The following PRKCH variants were observed in gnomAD, a reference collection of about 807,000 sequenced individuals.
The protein encoded by PRKCH is protein kinase C eta, also known as protein kinase C eta type.
A neutral mutation model predicts 82.5 loss-of-function variants in PRKCH; 28 were observed. The observed-to-expected ratio is 0.34, with a 90% CI of 0.25 to 0.47. The LOEUF (loss-of-function observed/expected upper bound fraction) is 0.47. Among genes scored for constraint, PRKCH ranks in the 20% least tolerant of loss-of-function variants. PRKCH has a pLI of 1.00. For missense variants in PRKCH, 705 were observed against 881.8 expected (o/e 0.80, Z 2.54); for synonymous variants, 322 against 327.4 (o/e 0.98, Z 0.18).
chr14:61,457,219 G>C lies in PRKCH; in HGVS notation c.1004G>C (p.Ser335Thr), dbSNP rs1440276568. The C allele has an allele frequency of 1.2e-6, 2 of 1,614,200 alleles. No homozygotes were observed. Among genetic ancestry groups the C allele is most frequent in the Admixed American group, 3.3e-5 (2 of 60,020 alleles). Residue 335 changes from serine to threonine, a missense_variant, in exon 8 of 14, where the codon AGC becomes ACC. Transcript: ENST00000332981. ...RSTLRRQGKE[S>T]SKEGNGIGVN... is the part of the protein sequence containing the mutation. ...ACCCTAAGACGACAGGGAAAGGAGA[G>C]CAGCAAAGAAGGAAATGGGATTGGG...
intron 1 of PRKCH, among the ~76,000 whole-genome samples, chr14:61,347,458 G>T (rs2046010647): frequency 6.6e-6 from 1 of 152,168 alleles, no homozygotes; most frequent in African/African-American, 2.4e-5. Context: ...GTGGTCAGTT[G>T]GAGTAACTCC....
intron 1 of PRKCH, among the ~76,000 whole-genome samples, chr14:61,234,802 C>T (rs1387281389): frequency 2.6e-5 from 4 of 152,176 alleles, no homozygotes; most frequent in African/African-American, 9.7e-5. Flanking sequence ...CTGTCAAGAC[C>T]CATTCGTAGC....
At position 61,457,159 on chromosome 14, in the gene PRKCH, TG is replaced by T; in HGVS notation, c.961-16del. On this transcript the variant is annotated splice_polypyrimidine_tract_variant and intron_variant, in intron 7 of 13. Transcript: ENST00000332981. ...TTCTGCTGCAATTTCTGACTTAATG[TG>T]TTCTTACTCTTTCAGAAACTCGTTT... 1 of 1,612,762 alleles carries T rather than the reference TG, an allele frequency of 6.2e-7. No individual in the cohort carries two copies. Among genetic ancestry groups the T allele is most frequent in the Non-Finnish European group, 8.5e-7 (1 of 1,179,306 alleles).
intron 12 of PRKCH, chr14:61,543,787 G>C (rs2043217734): frequency 6.6e-6 from 1 of 152,212 alleles, no homozygotes. Context: ...AAAGGATTAT[G>C]CTGTCACCAT....
intron 1 of PRKCH, among the ~76,000 whole-genome samples, chr14:61,359,862 A>C (rs1337341678): frequency 6.6e-6 from 1 of 152,244 alleles, no homozygotes; most frequent in East Asian, 1.9e-4. Context: ...GCTACCTACC[A>C]TATATAGAAC....
intron 1 of PRKCH, among the ~76,000 whole-genome samples, chr14:61,243,383 CAAAAAAAA>C (rs10555022): frequency 4.8e-5 from 5 of 103,386 alleles, no homozygotes; most frequent in South Asian, 6.9e-4. Flanking sequence ...GACTCTGTCT[CAAAAAAAA>C]AAAAAAAAAA....
chr14:61,524,003 T>C (rs2042936377), intron 10 of PRKCH, among the ~76,000 whole-genome samples: 1 of 152,240 alleles, frequency 6.6e-6, no homozygotes, highest in Non-Finnish European at 1.5e-5. Flanking sequence ...TCCCTACTTT[T>C]GTCTGTTTTG....
chr14:61,381,689 C>G (rs946960235), intron 1 of PRKCH, among the ~76,000 whole-genome samples: 3 of 152,220 alleles, frequency 2.0e-5, no homozygotes, highest in African/African-American at 4.8e-5. Flanking sequence ...GAGAACCATC[C>G]AGCGGCACAT....
intron 1 of PRKCH, among the ~76,000 whole-genome samples, chr14:61,363,347 A>G (rs1008570407): frequency 6.6e-6 from 1 of 152,356 alleles, no homozygotes; most frequent in East Asian, 1.9e-4. Context: ...GCTGGATAGC[A>G]GGAACCGATC....
chr14:61,375,969 A>T (rs1432266173), intron 1 of PRKCH, among the ~76,000 whole-genome samples: 3 of 150,936 alleles, frequency 2.0e-5, no homozygotes, highest in Non-Finnish European at 4.4e-5. Flanking sequence ...GTGAGCCAAG[A>T]TCATGCCACT....
upstream of PRKCH, among the ~76,000 whole-genome samples, chr14:61,321,536 G>A (rs966925449): frequency 6.6e-6 from 1 of 152,156 alleles, no homozygotes; most frequent in Admixed American, 6.5e-5. This position sits in a 1 kb window ranked among gnomAD's most constrained non-coding sequence, Gnocchi z 4.1. Flanking sequence ...CGCGGGCCAC[G>A]CCCCTGGGGT....
chr14:61,203,429 T>C (rs2044497981), intron 1 of PRKCH, among the ~76,000 whole-genome samples: 1 of 152,036 alleles, frequency 6.6e-6, no homozygotes, highest in Admixed American at 6.6e-5. Context: ...CCAGGAAACA[T>C]CTCAGGCATG....
At chr14:61,245,564 G>A (rs1161560410) in intron 1 of PRKCH, among the ~76,000 whole-genome samples, 11 of 152,206 alleles carry the variant, frequency 7.2e-5, no homozygotes, top group Non-Finnish European at 1.2e-4. Flanking sequence ...TACCAGCAGG[G>A]AGCTGTTCCT....
chr14:61,232,182 G>A (rs2044750260), intron 1 of PRKCH, among the ~76,000 whole-genome samples: 1 of 152,186 alleles, frequency 6.6e-6, no homozygotes, highest in African/African-American at 2.4e-5. Context: ...ATGGCTCACA[G>A]AACACAGGGA....
chr14:61,276,655 C>T (rs1203793811), intron 1 of PRKCH, among the ~76,000 whole-genome samples: 2 of 150,996 alleles, frequency 1.3e-5, no homozygotes, highest in Non-Finnish European at 3.0e-5. Context: ...CGCACCTGGC[C>T]GGGAATTTAC....
At chr14:61,445,936 G>C (rs775481110) in intron 4 of PRKCH, among the ~76,000 whole-genome samples, 13 of 152,080 alleles carry the variant, frequency 8.5e-5, no homozygotes, top group Non-Finnish European at 1.8e-4. Flanking sequence ...TATTTCTAAA[G>C]CCAGGATACC....
chr14:61,293,072 A>T (rs918142053), intron 1 of PRKCH, among the ~76,000 whole-genome samples: 1 of 152,220 alleles, frequency 6.6e-6, no homozygotes, highest in Non-Finnish European at 1.5e-5. Flanking sequence ...AAAGAGTGAA[A>T]GTGGAAAGTA....
intron 10 of PRKCH, among the ~76,000 whole-genome samples, chr14:61,513,370 C>G (rs1416348833): frequency 6.6e-6 from 1 of 152,150 alleles, no homozygotes; most frequent in Non-Finnish European, 1.5e-5. Flanking sequence ...CAGATGCAAT[C>G]AGTGCAAGAA....
intron 10 of PRKCH, among the ~76,000 whole-genome samples, chr14:61,524,760 G>A (rs966046636): frequency 2.6e-5 from 4 of 152,200 alleles, no homozygotes; most frequent in South Asian, 2.1e-4. Context: ...AAGCCAACAT[G>A]AGGATAAGTG....
Sources: gnomAD v4.1 joint callset for allele counts (sites outside exome capture counted in the v4.1 genomes callset) on GRCh38, gnomAD v4.1.1 for gene constraint, Gnocchi (gnomAD v3.1) non-coding constraint, MANE v1.5 for transcripts, NCBI Gene and HGNC (gene_info 2026-07-23, HGNC 2026-07-21) for gene names.